Variants in PRAMEF10 observed in about 807,000 individuals in gnomAD.
The protein encoded by PRAMEF10 is PRAME family member 10.
In PRAMEF10, 4 loss-of-function variants were observed where a neutral mutation model predicts 27.7. The observed-to-expected ratio is 0.14, with a 90% CI of 0.07 to 0.33. PRAMEF10 has a LOEUF of 0.33. PRAMEF10 is among the 10% of genes least tolerant of loss of function. PRAMEF10 has a pLI of 1.00. For missense variants in PRAMEF10, 99 were observed against 453.9 expected (o/e 0.22, Z 7.10); for synonymous variants, 46 against 176.0 (o/e 0.26, Z 5.85).
intron 1 of PRAMEF10, among the ~76,000 whole-genome samples, chr1:12,896,271 G>T (rs1217805640): frequency 6.7e-6 from 1 of 149,320 alleles, no homozygotes; most frequent in African/African-American, 2.5e-5. Flanking sequence ...CATTCCACCC[G>T]CCTTGGCCTC....
At chr1:12,896,162 C>T (rs1027299164) in intron 1 of PRAMEF10, among the ~76,000 whole-genome samples, 3 of 145,986 alleles carry the variant, frequency 2.1e-5, no homozygotes, top group East Asian at 2.1e-4. Context: ...CTCTGAAGCT[C>T]GGATCTCATG....
chr1:12,894,962 G>A lies in PRAMEF10; in HGVS notation c.490C>T (p.Leu164=). The change falls in exon 3 of 4, where the codon CTG becomes TTG. Residue 164 remains leucine, a synonymous_variant. Transcript: ENST00000235347. ...TGGATCCACCCAAAAAGGTAGCTCA[G>A]GCATTCATCCAGTGTACTTTCCTTT... ...CLKESTLDEC[L]SYLFGWIHYR... 6.2e-7 allele frequency: 1 copy of A among 1,600,226 alleles called. No individual in the cohort carries two copies. The highest frequency in any genetic ancestry group is 8.5e-7 in the Non-Finnish European group (1 of 1,172,860).
At chr1:12,893,778 T>G (rs1641167944) in intron 3 of PRAMEF10, among the ~76,000 whole-genome samples, 1 of 106,838 alleles carries the variant, frequency 9.4e-6, no homozygotes, top group Non-Finnish European at 2.0e-5. Flanking sequence ...TCACACCTAC[T>G]CCCTCACCCT....
At chr1:12,894,173 G>A (rs848416) in intron 3 of PRAMEF10, among the ~76,000 whole-genome samples, 7 of 149,102 alleles carry the variant, frequency 4.7e-5, no homozygotes, top group Middle Eastern at 3.2e-3. Context: ...TTGGCCTCCC[G>A]AAGTGCTGGG....
chr1:12,894,214 C>T (rs1641173645), intron 3 of PRAMEF10, among the ~76,000 whole-genome samples: 1 of 146,040 alleles, frequency 6.8e-6, no homozygotes, highest in Non-Finnish European at 1.5e-5. Context: ...CAACCGGCCA[C>T]ACCTTCCCTT....
At chr1:12,893,933 CT>C (rs1232210965) in intron 3 of PRAMEF10, among the ~76,000 whole-genome samples, 163 of 110,382 alleles carry the variant, frequency 1.5e-3, no homozygotes, top group African/African-American at 2.7e-3. Flanking sequence ...TGTACTTTCT[CT>C]TTTTTTTTTT....
At chr1:12,895,915 C>T in intron 1 of PRAMEF10, 43 bp from the exon 2 acceptor site, 3 of 354,162 alleles carry the variant, frequency 8.5e-6, no homozygotes, top group Non-Finnish European at 1.4e-5. Context: ...TCGGGCCATT[C>T]CCCAGCAAGC....
At position 12,892,927 on chromosome 1, in the gene PRAMEF10, G is replaced by A; in HGVS notation, c.1414C>T (p.Leu472Phe). ...SWPSEKVDFH[L>F]CS is the part of the protein sequence containing the mutation. ...GAACCAGGCCTTCCCTAGGAGCAAA[G>A]ATGGAAGTCCACTTTCTCAGATGGC... The change falls in exon 4 of 4, where the codon CTT (leucine) becomes TTT (phenylalanine). Residue 472 changes from leucine (L) to phenylalanine (F), a missense_variant. Leu to Phe is a conservative substitution (Grantham distance 22). Transcript: ENST00000235347. The A allele has an allele frequency of 6.3e-7, 1 of 1,591,658 alleles. No individual in the cohort carries two copies. The highest frequency in any genetic ancestry group is 2.2e-5 in the East Asian group (1 of 44,672).
At chr1:12,898,041 A>G (rs1180327855) in intron 1 of PRAMEF10, among the ~76,000 whole-genome samples, 175 bp downstream of exon 1, 2 of 147,404 alleles carry the variant, frequency 1.4e-5, no homozygotes, top group Non-Finnish European at 1.5e-5. Flanking sequence ...CAATTTTTTG[A>G]AATAAAGACA....
Position 12,895,262 on chromosome 1 carries a change from G to T in PRAMEF10, c.288-98C>A, listed in dbSNP as rs1641194159. The stretch of plus-strand genomic sequence containing the variant: ...TCCAGGACATCAGTCAGCTGCTCCT[G>T]TCCTCAGTGCTCCTCCTTCTGTCTC... On this transcript the variant is annotated intron_variant, in intron 2 of 3. Coordinates refer to ENST00000235347, the MANE Select transcript of PRAMEF10 (RefSeq NM_001039361.4). 7.0e-6 allele frequency: 5 copies of T among 718,662 alleles called. 1 individual carries two copies. The South Asian group carries it at 8.3e-5, about 12-fold the overall frequency. 44.5% of individuals were successfully genotyped at this position (718,662 alleles called of 1,614,324 possible).
chr1:12,895,147 A>C lies in PRAMEF10; in HGVS notation c.305T>G (p.Val102Gly). 6.8e-7 allele frequency: 1 copy of C among 1,467,060 alleles called. No homozygotes were observed. The highest frequency in any genetic ancestry group is 1.9e-5 in the Admixed American group (1 of 53,704). The allele number at this position is 1,467,060 out of a possible 1,614,324, so 90.9% of individuals were successfully genotyped here. Residue 102 changes from valine to glycine, a missense_variant, in exon 3 of 4, where the codon GTG becomes GGG. By Grantham distance (109) the Val-to-Gly change is moderately radical. Coordinates refer to ENST00000235347, the MANE Select transcript of PRAMEF10 (RefSeq NM_001039361.4). ...KVRPRRWKLQVLDLRDVDENF... is the reference protein window; with the variant it reads ...KVRPRRWKLQGLDLRDVDENF... The stretch of plus-strand genomic sequence containing the variant: ...CTCATCAACATCCCTCAAATCCAGC[A>C]CTTGAAGTTTCCACCTCCTATGAGT...
chr1:12,897,496 G>A (rs1237724885), intron 1 of PRAMEF10, among the ~76,000 whole-genome samples: 1 of 148,508 alleles, frequency 6.7e-6, no homozygotes, highest in Admixed American at 6.8e-5. Flanking sequence ...TTTCTCCCAT[G>A]TCAGCAACCC....
rs1421249579 is a variant in PRAMEF10 at position 12,894,094 on chromosome 1, T to C, written c.866+492A>G. ...CCGGTGACATTTTTTTTTGTATTTT[T>C]AGTAGAGACGGGGATTCACTGTGTT... is the stretch of plus-strand genomic sequence containing the variant. On this transcript the variant is annotated intron_variant, in intron 3 of 3. Transcript: ENST00000235347. 7.9e-3 allele frequency among the ~76,000 whole-genome samples: 1,197 copies of C among 150,982 alleles called. 10 individuals are homozygous for C. The highest frequency in any genetic ancestry group is 0.028 in the African/African-American group (1,132 of 40,956).
At position 12,894,840 on chromosome 1, in the gene PRAMEF10, TG is replaced by T; in HGVS notation, c.611del (p.Pro204GlnfsTer25). On this transcript the variant is annotated frameshift_variant, in exon 3 of 4. Coordinates refer to ENST00000235347, the MANE Select transcript of PRAMEF10 (RefSeq NM_001039361.4). LOFTEE classifies it high-confidence loss of function. The stretch of plus-strand genomic sequence containing the variant: ...AGACTTCCAACTCCTGGATACTGTC[TG>T]GGTATATCCTTTCCAATAGATTTCT... ...SFRNLLERIYPDSIQELEVWK... is the reference protein window; with the variant it reads ...SFRNLLERIYXDSIQELEVWK... 1 of 1,149,096 alleles carries T rather than the reference TG, an allele frequency of 8.7e-7. No homozygotes were observed. The highest frequency in any genetic ancestry group is 1.2e-6 in the Non-Finnish European group (1 of 800,536). 71.2% of individuals were successfully genotyped at this position (1,149,096 alleles called of 1,614,324 possible). A position where few individuals can be genotyped will look rare whatever the true frequency, so the allele number is the denominator to read the frequency against.
rs757984863 is a variant in PRAMEF10 at position 12,895,050 on chromosome 1, T to C, written c.402A>G (p.Thr134=). 2.5e-6 allele frequency: 4 copies of C among 1,608,198 alleles called. No homozygotes were observed. The highest frequency in any genetic ancestry group is 2.5e-6 in the Non-Finnish European group (3 of 1,177,830). Residue 134 remains threonine (T), a synonymous_variant, in exon 3 of 4, where the codon ACA becomes ACG. Coordinates refer to ENST00000235347, the MANE Select transcript of PRAMEF10 (RefSeq NM_001039361.4). ...CSPEAMSKRQ[T]VEDCPRMGER... ...CTCCCATCCTTGGACAGTCCTCCACTGTCTGCCTCTTACTCATGGCCTCTG... is the reference window on the plus strand; with the variant it reads ...CTCCCATCCTTGGACAGTCCTCCACCGTCTGCCTCTTACTCATGGCCTCTG...
chr1:12,896,376 A>G (rs1198365645), intron 1 of PRAMEF10, among the ~76,000 whole-genome samples: 2 of 150,886 alleles, frequency 1.3e-5, no homozygotes, highest in African/African-American at 4.9e-5. Flanking sequence ...AGTGTTATGC[A>G]TCATTCGCAA....
chr1:12,897,612 T>C (rs1322254643), intron 1 of PRAMEF10, among the ~76,000 whole-genome samples: 1 of 149,792 alleles, frequency 6.7e-6, no homozygotes, highest in Non-Finnish European at 1.5e-5. Context: ...ATTCCAGCAC[T>C]TTGGGAGGCC....
intron 1 of PRAMEF10, among the ~76,000 whole-genome samples, chr1:12,897,435 G>A (rs1291341574): frequency 6.7e-6 from 1 of 149,988 alleles, no homozygotes; most frequent in Admixed American, 6.7e-5. Context: ...CTGGAGTACA[G>A]CAGTGGTATG....
intron 3 of PRAMEF10, among the ~76,000 whole-genome samples, chr1:12,894,182 G>A (rs1479731497): frequency 6.7e-6 from 1 of 148,872 alleles, no homozygotes; most frequent in Non-Finnish European, 1.5e-5. Flanking sequence ...CGAAGTGCTG[G>A]GATTACAGGC....
Sources: gnomAD v4.1 joint callset for allele counts (sites outside exome capture counted in the v4.1 genomes callset) on GRCh38, gnomAD v4.1.1 for gene constraint, MANE v1.5 for transcripts, NCBI Gene and HGNC (gene_info 2026-07-23, HGNC 2026-07-21) for gene names.